The following MCCC2 variants were observed in gnomAD, a reference collection of about 807,000 sequenced individuals.
MCCC2 encodes methylcrotonyl-CoA carboxylase subunit 2, also known as methylcrotonoyl-CoA carboxylase beta chain, mitochondrial.
A neutral mutation model predicts 77.2 loss-of-function variants in MCCC2; 52 were observed. The ratio of observed to expected loss-of-function variants is 0.67; its 90% CI spans 0.54 to 0.85. The LOEUF is 0.85. MCCC2 is among the 40% of genes least tolerant of loss of function. The pLI is 0.00. For missense variants in MCCC2, 682 were observed against 703.2 expected (o/e 0.97, Z 0.34); for synonymous variants, 253 against 248.4 (o/e 1.02, Z -0.18).
chr5:71,615,275 C>T (rs277949), intron 6 of MCCC2, among the ~76,000 whole-genome samples: 1 of 152,212 alleles, frequency 6.6e-6, no homozygotes, highest in Admixed American at 6.5e-5. Context: ...AGCCAACATT[C>T]TTAAGGATTG....
At chr5:71,594,890 GTC>G (rs202124945) in intron 2 of MCCC2, among the ~76,000 whole-genome samples, 1,539 of 88,556 alleles carry the variant, frequency 0.017, 17 homozygotes, top group Non-Finnish European at 0.023. Context: ...GTTGTCTTAA[GTC>G]TCTCTCTTTT....
intron 6 of MCCC2, among the ~76,000 whole-genome samples, chr5:71,610,445 C>T (rs1235641461): frequency 2.6e-5 from 4 of 152,134 alleles, no homozygotes; most frequent in African/African-American, 9.7e-5. Context: ...GTGCGCGCAC[C>T]CACTGACCTG....
At chr5:71,617,844 C>T (rs1375582810) in intron 6 of MCCC2, among the ~76,000 whole-genome samples, 4 of 152,130 alleles carry the variant, frequency 2.6e-5, no homozygotes, top group Non-Finnish European at 5.9e-5. Flanking sequence ...ATACCCGTAT[C>T]GTTTTCTGTA....
At chr5:71,616,745 A>G (rs1388595329) in intron 6 of MCCC2, among the ~76,000 whole-genome samples, 3 of 152,150 alleles carry the variant, frequency 2.0e-5, no homozygotes, top group Admixed American at 6.5e-5. Context: ...GGTCAAAAAT[A>G]TACATCTTTG....
At chr5:71,608,895 C>T (rs1410310091) in intron 6 of MCCC2, among the ~76,000 whole-genome samples, 3 of 152,144 alleles carry the variant, frequency 2.0e-5, no homozygotes, top group African/African-American at 7.2e-5. Context: ...TGAATATTGG[C>T]CCCTAGTCTC....
intron 1 of MCCC2, 83 bp from the exon 2 acceptor site, chr5:71,592,843 T>TG: frequency 8.8e-7 from 1 of 1,132,812 alleles, no homozygotes. Flanking sequence ...CCACTGTTTT[T>TG]TTTTTTTTTT....
rs1248143390 is a variant in MCCC2 at position 71,649,230 on chromosome 5, T to A, written c.1350T>A (p.Tyr450Ter). 5 of 1,614,146 alleles carry A rather than the reference T, an allele frequency of 3.1e-6. 1 individual carries two copies. The highest frequency in any genetic ancestry group is 3.4e-6 in the Non-Finnish European group (4 of 1,179,996). ...IIGGSYGAGNYGMCGRAYSPR... is the reference protein window; with the variant it reads ...IIGGSYGAGN ...GGGGCTCCTATGGAGCCGGAAACTA[T>A]GGGATGTGTGGCAGAGCATATAGGT... The change falls in exon 14 of 17, where the codon TAT (tyrosine) becomes TAA (stop). Residue 450 changes from tyrosine to a stop codon, truncating the protein, a stop_gained. Coordinates refer to ENST00000340941, the MANE Select transcript of MCCC2 (RefSeq NM_022132.5). LOFTEE classifies it high-confidence loss of function.
intron 8 of MCCC2, among the ~76,000 whole-genome samples, chr5:71,633,953 AAG>A (rs1746831090): frequency 6.6e-6 from 1 of 152,182 alleles, no homozygotes; most frequent in African/African-American, 2.4e-5. Context: ...GGCTATGAAA[AAG>A]AGTAAACGTG....
intron 16 of MCCC2, among the ~76,000 whole-genome samples, chr5:71,654,329 G>A (rs1341632224): frequency 6.6e-6 from 1 of 152,026 alleles, no homozygotes; most frequent in African/African-American, 2.4e-5. Flanking sequence ...AAGGTTTTTT[G>A]CTGAATATAT....
chr5:71,622,403 T>G (rs1746382492), intron 6 of MCCC2, among the ~76,000 whole-genome samples: 1 of 152,220 alleles, frequency 6.6e-6, no homozygotes, highest in African/African-American at 2.4e-5. Context: ...TTTGTACTTA[T>G]TTTTTTGACT....
intron 1 of MCCC2, among the ~76,000 whole-genome samples, chr5:71,588,666 C>G (rs1744853517): frequency 6.6e-6 from 1 of 152,080 alleles, no homozygotes; most frequent in Non-Finnish European, 1.5e-5. Flanking sequence ...CAGAAAGCTA[C>G]CGATAGGAAG....
rs759327518 is a variant in MCCC2 at position 71,632,071 on chromosome 5, T to TTA, written c.739-46_739-45dup. ...AGTTGTGCATGTTGGGGAAGCATTTTTATATGTCTGATGGACCGATTTCAC... is the reference window on the plus strand; with the variant it reads ...AGTTGTGCATGTTGGGGAAGCATTTTTATATATGTCTGATGGACCGATTTCAC... On this transcript the variant is annotated intron_variant, in intron 7 of 16. Transcript: ENST00000340941. The TTA allele has an allele frequency of 9.6e-6, 15 of 1,554,526 alleles. 1 individual carries two copies. The East Asian group carries it at 3.4e-4, about 35-fold the overall frequency.
intron 10 of MCCC2, among the ~76,000 whole-genome samples, chr5:71,639,757 C>T (rs1202960241): frequency 3.3e-5 from 5 of 152,226 alleles, no homozygotes; most frequent in South Asian, 4.2e-4. Context: ...ATAGTTGTTA[C>T]GTGTTGATTG....
At chr5:71,656,043 C>T (rs1453086290) in intron 16 of MCCC2, among the ~76,000 whole-genome samples, 1 of 152,106 alleles carries the variant, frequency 6.6e-6, no homozygotes, top group Non-Finnish European at 1.5e-5. Flanking sequence ...GGCGAAACCC[C>T]GTCTCTTCTA....
At position 71,587,487 on chromosome 5, in the gene MCCC2, G is replaced by T; in HGVS notation, c.62G>T (p.Arg21Leu). 6.5e-7 allele frequency: 1 copy of T among 1,537,422 alleles called. No homozygotes were observed. The change falls in exon 1 of 17, where the codon CGC becomes CTC. Residue 21 changes from arginine to leucine, a missense_variant. Coordinates refer to ENST00000340941, the MANE Select transcript of MCCC2 (RefSeq NM_022132.5). Reference protein sequence around the residue: ...PCARASPAGPRAYHGDSVASL... With the variant: ...PCARASPAGPLAYHGDSVASL... ...GCCCGCGCCTCTCCCGCCGGGCCGC[G>T]CGCCTATCACGGGGACTCGGTGGCC...
chr5:71,644,019 CTG>C (rs1424355279), intron 12 of MCCC2, 124 bp downstream of exon 12: 2 of 1,050,206 alleles, frequency 1.9e-6, no homozygotes, highest in Non-Finnish European at 2.8e-6. Context: ...AACCAGAACA[CTG>C]TGTGCGCGGG....
At chr5:71,631,314 G>T (rs930408054) in intron 7 of MCCC2, among the ~76,000 whole-genome samples, 1 of 152,162 alleles carries the variant, frequency 6.6e-6, no homozygotes, top group Non-Finnish European at 1.5e-5. Context: ...GGATAGGCAG[G>T]CAGTCCTCTA....
At chr5:71,653,056 G>A (rs1437423354) in intron 16 of MCCC2, among the ~76,000 whole-genome samples, 2 of 152,210 alleles carry the variant, frequency 1.3e-5, no homozygotes, top group Non-Finnish European at 2.9e-5. Context: ...CCCAAGGTGG[G>A]CCATGTTAGG....
chr5:71,633,076 GT>G (rs1052048618), intron 8 of MCCC2, among the ~76,000 whole-genome samples: 11 of 111,040 alleles, frequency 9.9e-5, no homozygotes, highest in South Asian at 8.2e-4. Context: ...GAGGAGGAGG[GT>G]TTTTTTTTCA....
Sources: allele counts gnomAD v4.1 joint callset (sites outside exome capture counted in the v4.1 genomes callset), GRCh38; gene constraint gnomAD v4.1.1; transcripts MANE v1.5; gene names NCBI Gene and HGNC (gene_info 2026-07-23, HGNC 2026-07-21).